Variants in KLB observed in about 807,000 individuals in gnomAD.
KLB encodes the protein klotho beta.
A neutral mutation model predicts 88.4 loss-of-function variants in KLB; 44 were observed. That is an observed-to-expected ratio of 0.50 (90% CI 0.39 to 0.64). The LOEUF (loss-of-function observed/expected upper bound fraction) is 0.64. KLB is among the 30% of genes least tolerant of loss of function. The pLI is 0.00. For synonymous variants in KLB, 548 were observed against 513.4 expected, an observed-to-expected ratio of 1.07 and a Z score of -0.91; for missense variants, 1,137 against 1,304.8, an observed-to-expected ratio of 0.87 and a Z score of 1.98.
At chr4:39,421,526 G>C (rs112704500) in intron 1 of KLB, among the ~76,000 whole-genome samples, 90 of 152,240 alleles carry the variant, frequency 5.9e-4, no homozygotes, top group African/African-American at 2.0e-3. Context: ...AAGGTGGGCG[G>C]ATCACTTGAG....
intron 3 of KLB, among the ~76,000 whole-genome samples, chr4:39,438,959 C>T (rs755716876): frequency 1.3e-5 from 2 of 150,432 alleles, no homozygotes; most frequent in Non-Finnish European, 2.9e-5. Flanking sequence ...TCCACATGCA[C>T]AGTGATTTAA....
At chr4:39,444,133 G>A (rs1370673381) in intron 3 of KLB, among the ~76,000 whole-genome samples, 3 of 152,050 alleles carry the variant, frequency 2.0e-5, no homozygotes, top group African/African-American at 7.2e-5. Context: ...CTCCAGCCTG[G>A]GCGACAAGAA....
chr4:39,436,265 C>T (rs952756090), intron 2 of KLB, among the ~76,000 whole-genome samples: 3 of 152,144 alleles, frequency 2.0e-5, no homozygotes, highest in Non-Finnish European at 4.4e-5. Flanking sequence ...CTGGAGAGAG[C>T]CTTCAGGGAG....
At chr4:39,427,482 C>CAAAAA (rs35351344) in intron 1 of KLB, among the ~76,000 whole-genome samples, 1 of 117,956 alleles carries the variant, frequency 8.5e-6, no homozygotes, top group Non-Finnish European at 1.8e-5. Context: ...GACTCTGTCT[C>CAAAAA]AAAAAAAAAA....
intron 3 of KLB, among the ~76,000 whole-genome samples, chr4:39,442,232 A>T (rs1026407739): frequency 4.0e-5 from 6 of 149,468 alleles, no homozygotes; most frequent in Non-Finnish European, 8.9e-5. Context: ...ACAGAGCAAG[A>T]CCCTGTCTCA....
intron 3 of KLB, among the ~76,000 whole-genome samples, chr4:39,439,399 GCTTTAAGA>G (rs1316157038): frequency 6.6e-6 from 1 of 152,216 alleles, no homozygotes; most frequent in East Asian, 1.9e-4. Context: ...CAACCACTAT[GCTTTAAGA>G]CTTCACAATA....
chr4:39,436,805 G>A (rs888588620), intron 2 of KLB, among the ~76,000 whole-genome samples: 3 of 151,930 alleles, frequency 2.0e-5, no homozygotes, highest in Non-Finnish European at 2.9e-5. Context: ...CACCTCCTGT[G>A]TTCAAGCGAT....
intron 1 of KLB, among the ~76,000 whole-genome samples, chr4:39,433,787 G>A (rs1230572855): frequency 6.6e-6 from 1 of 152,122 alleles, no homozygotes; most frequent in Non-Finnish European, 1.5e-5. Flanking sequence ...TTGAACCTGG[G>A]AGGCGGAGGT....
chr4:39,445,676 G>GTTTTTT, intron 3 of KLB, among the ~76,000 whole-genome samples: 1 of 82,878 alleles, frequency 1.2e-5, no homozygotes, highest in Non-Finnish European at 3.0e-5. Context: ...GGCTAATCTT[G>GTTTTTT]TTTTTTTGTT....
rs752154896 is a variant in KLB, at chr4:39,447,321, T to A, written c.2595T>A (p.Ile865=). The part of the protein sequence containing the change: ...RLSSPTRLAV[I]PWGVRKLLRW... ...GCTCCCCCACGCGCCTGGCTGTGAT[T>A]CCCTGGGGGGTGCGCAAGCTGCTGC... Residue 865 remains isoleucine (I), a synonymous_variant, in exon 4 of 5, where the codon ATT becomes ATA. Coordinates refer to ENST00000257408, the MANE Select transcript of KLB (RefSeq NM_175737.4). 1 of 1,614,130 alleles carries A rather than the reference T, an allele frequency of 6.2e-7. No individual in the cohort carries two copies. Among genetic ancestry groups the A allele is most frequent in the South Asian group, 1.1e-5 (1 of 91,082 alleles).
intron 1 of KLB, 151 bp downstream of exon 1, chr4:39,407,925 A>G (rs1742765121): frequency 1.9e-6 from 1 of 535,832 alleles, no homozygotes; most frequent in South Asian, 4.2e-5. Context: ...CATTTAAGTT[A>G]GTGTATGTTT....
chr4:39,431,096 T>A lies in KLB; in HGVS notation c.826-3114T>A, dbSNP rs866159274. Among the ~76,000 whole-genome samples, 50 of 148,288 alleles carry A rather than the reference T, an allele frequency of 3.4e-4. No individual in the cohort carries two copies. The Middle Eastern group carries it at 0.017, about 51-fold the overall frequency. ...CATGCCTGGCTAATTTTTGTATTTT[T>A]TTTTTTTTTTTTTTGTAGATACGGG... On this transcript the variant is annotated intron_variant, in intron 1 of 4. Transcript: ENST00000257408.
intron 3 of KLB, among the ~76,000 whole-genome samples, chr4:39,439,262 G>T (rs1325097617): frequency 2.0e-5 from 3 of 151,468 alleles, no homozygotes; most frequent in Admixed American, 6.6e-5. Context: ...GCCTCCCAAA[G>T]TACTGGGGTT....
At chr4:39,440,732 T>C (rs564423056) in intron 3 of KLB, among the ~76,000 whole-genome samples, 10 of 151,806 alleles carry the variant, frequency 6.6e-5, no homozygotes, top group Non-Finnish European at 1.5e-4. Flanking sequence ...TGATTTTTTG[T>C]ATTTTAGTAG....
chr4:39,441,047 G>A (rs1049974442), intron 3 of KLB, among the ~76,000 whole-genome samples: 18 of 152,038 alleles, frequency 1.2e-4, no homozygotes, highest in Non-Finnish European at 2.5e-4. Flanking sequence ...GTAGAGATGG[G>A]GTTTCACTAT....
intron 2 of KLB, among the ~76,000 whole-genome samples, chr4:39,437,186 C>T (rs1421123577): frequency 3.3e-5 from 5 of 152,204 alleles, no homozygotes; most frequent in East Asian, 1.9e-4. Context: ...GGGTAAGCTC[C>T]TCAGCCCCCT....
chr4:39,417,581 C>T (rs1415388810), intron 1 of KLB, among the ~76,000 whole-genome samples: 1 of 151,944 alleles, frequency 6.6e-6, no homozygotes, highest in African/African-American at 2.4e-5. Context: ...AGGCATGAGC[C>T]ATTGCACCCA....
At chr4:39,412,176 G>A (rs1403276977) in intron 1 of KLB, among the ~76,000 whole-genome samples, 2 of 151,836 alleles carry the variant, frequency 1.3e-5, no homozygotes, top group Non-Finnish European at 2.9e-5. Context: ...CAATTCATCC[G>A]TGTAACCAAA....
At chr4:39,432,456 A>C (rs1001594427) in intron 1 of KLB, among the ~76,000 whole-genome samples, 2 of 152,168 alleles carry the variant, frequency 1.3e-5, no homozygotes, top group Non-Finnish European at 2.9e-5. Context: ...AGTGGCATGG[A>C]GTCCTTAATG....
Sources: gnomAD v4.1 joint callset for allele counts (sites outside exome capture counted in the v4.1 genomes callset) on GRCh38, gnomAD v4.1.1 for gene constraint, MANE v1.5 for transcripts, NCBI Gene and HGNC (gene_info 2026-07-23, HGNC 2026-07-21) for gene names.